Variants in PPP4R1 observed in about 807,000 individuals in gnomAD.
PPP4R1 encodes serine/threonine-protein phosphatase 4 regulatory subunit 1.
In PPP4R1, 42 loss-of-function variants were observed where a neutral mutation model predicts 111.2. The observed-to-expected ratio is 0.38, with a 90% CI of 0.29 to 0.49. The LOEUF (loss-of-function observed/expected upper bound fraction) is 0.49. PPP4R1 is among the 20% of genes least tolerant of loss of function. The pLI is 0.97. For synonymous variants in PPP4R1, 409 were observed against 405.5 expected (o/e 1.01, Z -0.10); for missense variants, 1,012 against 1,161.6 (o/e 0.87, Z 1.87).
chr18:9,549,242 G>A lies in PPP4R1; in HGVS notation c.2644C>T (p.Arg882Ter). ...TLANDRVPNV[R>*]VLLAKTLRQT... The stretch of plus-strand genomic sequence containing the variant: ...CTTAATGTCTTTGCAAGCAGCACTC[G>A]CACGTTAGGAACCCTGTCATTTGCT... Residue 882 changes from arginine (R) to a stop codon, truncating the protein, a stop_gained, in exon 19 of 20, where the codon CGA (arginine) becomes TGA (stop). Transcript: ENST00000400556. LOFTEE classifies it high-confidence loss of function. 6.8e-6 allele frequency: 11 copies of A among 1,613,936 alleles called. No individual in the cohort carries two copies. Among genetic ancestry groups the A allele is most frequent in the Non-Finnish European group, 8.5e-6 (10 of 1,179,858 alleles).
chr18:9,613,907 C>T, intron 2 of PPP4R1: 1 of 195,454 alleles, frequency 5.1e-6, no homozygotes, highest in East Asian at 1.1e-4. Flanking sequence ...TCAAATCCTG[C>T]CCCACCGCTT....
At position 9,583,099 on chromosome 18, in the gene PPP4R1, T is replaced by C. The variant is rs539326664; in HGVS notation, c.918+18A>G. On this transcript the variant is annotated intron_variant, in intron 9 of 19. Coordinates refer to ENST00000400556, the MANE Select transcript of PPP4R1 (RefSeq NM_001042388.3). The stretch of plus-strand genomic sequence containing the variant: ...ACACAAATGTATTATTTTACAAAAG[T>C]GATAATCAAAACCCTACCCAACGTG... 6.3e-6 allele frequency: 10 copies of C among 1,581,178 alleles called. No homozygotes were observed. In the African/African-American group the frequency reaches 8.1e-5, roughly 13 times the overall value.
At chr18:9,572,875 A>G (rs899094246) in intron 10 of PPP4R1, among the ~76,000 whole-genome samples, 4 of 152,258 alleles carry the variant, frequency 2.6e-5, no homozygotes, top group African/African-American at 9.6e-5. Flanking sequence ...ACTACAAAAT[A>G]TACAGTATGC....
chr18:9,556,278 C>T (rs912532183), intron 15 of PPP4R1, among the ~76,000 whole-genome samples: 2 of 151,820 alleles, frequency 1.3e-5, no homozygotes, highest in Admixed American at 6.6e-5. Flanking sequence ...CTGCAACCTC[C>T]ACCTCCTGGG....
In PPP4R1 at chr18:9,547,385, G is replaced by A. The variant is rs914512158; in HGVS notation, c.*404C>T. ...AGGTCTCTTTCACATCTGGGCACAC[G>A]TCTGCCTTCAGGCTGTAAGAATTTC... On this transcript the variant is annotated 3_prime_UTR_variant, in exon 20 of 20. Transcript: ENST00000400556. 4 of 176,560 alleles carry A rather than the reference G, an allele frequency of 2.3e-5. No homozygotes were observed. Among genetic ancestry groups the A allele is most frequent in the East Asian group, 1.4e-4 (1 of 7,392 alleles). The allele number at this position is 176,560 out of a possible 1,614,324, so 10.9% of individuals were successfully genotyped here.
chr18:9,550,024 A>C (rs758130276), intron 18 of PPP4R1, 28 bp downstream of exon 18: 3 of 1,613,780 alleles, frequency 1.9e-6, no homozygotes, highest in Admixed American at 1.7e-5. Flanking sequence ...AAAAACTCAC[A>C]AACAGGTAAG....
chr18:9,559,138 T>C (rs1598897055), intron 14 of PPP4R1, among the ~76,000 whole-genome samples: 1 of 152,198 alleles, frequency 6.6e-6, no homozygotes, highest in African/African-American at 2.4e-5. Flanking sequence ...TTAATTTACA[T>C]ATAAACTCTA....
intron 2 of PPP4R1, among the ~76,000 whole-genome samples, chr18:9,597,445 T>A (rs933920730): frequency 6.6e-6 from 1 of 152,158 alleles, no homozygotes; most frequent in African/African-American, 2.4e-5. Flanking sequence ...CTGCAGAAAG[T>A]CCCTTTGAGT....
chr18:9,615,964 C>T (rs1315704882), upstream of PPP4R1, among the ~76,000 whole-genome samples: 2 of 152,180 alleles, frequency 1.3e-5, no homozygotes, highest in Non-Finnish European at 2.9e-5. Context: ...TATGAAATTT[C>T]TAGGAGTAAT....
chr18:9,582,748 G>A (rs1168239162), intron 9 of PPP4R1, among the ~76,000 whole-genome samples: 3 of 152,156 alleles, frequency 2.0e-5, no homozygotes, highest in African/African-American at 7.2e-5. Flanking sequence ...TATCTCTCAT[G>A]ATATGGACAC....
chr18:9,577,703 T>C (rs2066960468), intron 9 of PPP4R1, among the ~76,000 whole-genome samples: 2 of 152,192 alleles, frequency 1.3e-5, no homozygotes, highest in African/African-American at 2.4e-5. Context: ...TGCTCTTTTT[T>C]ACTTTCAATT....
chr18:9,587,035 G>A lies in PPP4R1; in HGVS notation c.585+1054C>T, dbSNP rs1333723940. On this transcript the variant is annotated intron_variant, in intron 6 of 19. Coordinates refer to ENST00000400556, the MANE Select transcript of PPP4R1 (RefSeq NM_001042388.3). ...ACTGATGTCATATATCCTGGGAAAT[G>A]TACTTGCCTGACCATCCTTCCCACA... 3.3e-5 allele frequency among the ~76,000 whole-genome samples: 5 copies of A among 152,258 alleles called. No individual in the cohort carries two copies. The East Asian group carries it at 9.6e-4, about 29-fold the overall frequency.
At chr18:9,593,210 T>C (rs1598945097) in intron 4 of PPP4R1, among the ~76,000 whole-genome samples, 1 of 152,192 alleles carries the variant, frequency 6.6e-6, no homozygotes, top group Non-Finnish European at 1.5e-5. Context: ...AAAATAGTTT[T>C]ATGTGTTAAG....
intron 18 of PPP4R1, chr18:9,549,840 T>C: frequency 1.5e-6 from 1 of 652,696 alleles, no homozygotes; most frequent in South Asian, 2.0e-5. Flanking sequence ...GTGTGTGTGG[T>C]GCATGCCAGT....
intron 13 of PPP4R1, among the ~76,000 whole-genome samples, chr18:9,560,823 C>A (rs1258937724): frequency 6.6e-6 from 1 of 151,954 alleles, no homozygotes; most frequent in Non-Finnish European, 1.5e-5. Flanking sequence ...GATCTCGCCA[C>A]TGCACTCCAG....
At chr18:9,587,713 ATT>A (rs912122441) in intron 6 of PPP4R1, among the ~76,000 whole-genome samples, 1 of 126,926 alleles carries the variant, frequency 7.9e-6, no homozygotes, top group Non-Finnish European at 1.7e-5. Flanking sequence ...GCCCAGCCTA[ATT>A]TTTTTTTTTT....
intron 11 of PPP4R1, among the ~76,000 whole-genome samples, chr18:9,567,488 G>A (rs2066787880): frequency 6.6e-6 from 1 of 152,094 alleles, no homozygotes; most frequent in Non-Finnish European, 1.5e-5. Context: ...CCTCAGTTGG[G>A]ATTACAGGCA....
At position 9,588,705 on chromosome 18, in the gene PPP4R1, T is replaced by A; in HGVS notation, c.438+6A>T. Reference sequence around the variant, plus strand: ...TCTTTTAAGAACATATAAATGGTACTCTTACCTGATTATTCTGATCTGCAA... The same window carrying A: ...TCTTTTAAGAACATATAAATGGTACACTTACCTGATTATTCTGATCTGCAA... On this transcript the variant is annotated splice_donor_region_variant and intron_variant, in intron 5 of 19. Coordinates refer to ENST00000400556, the MANE Select transcript of PPP4R1 (RefSeq NM_001042388.3). 6.2e-7 allele frequency: 1 copy of A among 1,603,158 alleles called. No individual in the cohort carries two copies. Among genetic ancestry groups the A allele is most frequent in the Non-Finnish European group, 8.5e-7 (1 of 1,172,212 alleles).
rs749656286 is a variant in PPP4R1 at position 9,559,467 on chromosome 18, A to G, written c.1980T>C (p.Asn660=). The change falls in exon 14 of 20, where the codon AAT becomes AAC. Residue 660 remains asparagine, a synonymous_variant. Transcript: ENST00000400556. ...PGVALTLGRQ[N]WHCLRETYET... ...CATACGTCTCTCTCAGGCAGTGCCAATTCTGTCTTCCGAGTGTCAAGGCCA... is the reference window on the plus strand; with the variant it reads ...CATACGTCTCTCTCAGGCAGTGCCAGTTCTGTCTTCCGAGTGTCAAGGCCA... 3.1e-6 allele frequency: 5 copies of G among 1,613,752 alleles called. No individual in the cohort carries two copies. The highest frequency in any genetic ancestry group is 1.7e-4 in the Middle Eastern group (1 of 6,060).
Sources: gnomAD v4.1 joint callset for allele counts (sites outside exome capture counted in the v4.1 genomes callset) on GRCh38, gnomAD v4.1.1 for gene constraint, MANE v1.5 for transcripts, NCBI Gene and HGNC (gene_info 2026-07-23, HGNC 2026-07-21) for gene names.